ENTREP2: variants seen among roughly 807,000 people sequenced by gnomAD.
ENTREP2 encodes the protein endosomal transmembrane epsin interactor 2.
At chr15:29,470,928 C>A in the ENTREP2 span, among the ~76,000 whole-genome samples, 5 of 152,312 alleles carry the variant, frequency 3.3e-5, no homozygotes, top group South Asian at 8.3e-4. Context: ...ACATTAGCAA[C>A]CACTATTACA....
At chr15:29,655,476 C>T in the ENTREP2 span, among the ~76,000 whole-genome samples, 1 of 152,142 alleles carries the variant, frequency 6.6e-6, no homozygotes, top group Non-Finnish European at 1.5e-5. Flanking sequence ...ACATGTTTTG[C>T]TTTCAACTAA....
At chr15:29,256,293 C>T in the ENTREP2 span, among the ~76,000 whole-genome samples, 1 of 152,026 alleles carries the variant, frequency 6.6e-6, no homozygotes, top group Non-Finnish European at 1.5e-5. Flanking sequence ...GCAACACACC[C>T]AGGTAACAAA....
At chr15:29,303,306 A>T in the ENTREP2 span, among the ~76,000 whole-genome samples, 2 of 152,184 alleles carry the variant, frequency 1.3e-5, no homozygotes, top group Non-Finnish European at 2.9e-5. Context: ...CATTCTGAAC[A>T]AGTTGCTATT....
the ENTREP2 span, among the ~76,000 whole-genome samples, chr15:29,518,776 G>A: frequency 2.0e-5 from 3 of 152,154 alleles, no homozygotes; most frequent in African/African-American, 7.2e-5. Context: ...AGTGACACAG[G>A]GGAAAGCTTC....
At chr15:29,256,173 C>T in the ENTREP2 span, among the ~76,000 whole-genome samples, 1 of 152,022 alleles carries the variant, frequency 6.6e-6, no homozygotes, top group African/African-American at 2.4e-5. Flanking sequence ...ACAACAGGCA[C>T]TGAGGACTCC....
At chr15:29,197,547 C>A in the ENTREP2 span, among the ~76,000 whole-genome samples, 9 of 152,172 alleles carry the variant, frequency 5.9e-5, no homozygotes, top group African/African-American at 2.2e-4. Flanking sequence ...GCGGGCAGAT[C>A]ACAAGGTTAG....
At chr15:29,658,234 T>TC in the ENTREP2 span, among the ~76,000 whole-genome samples, 1 of 152,154 alleles carries the variant, frequency 6.6e-6, no homozygotes, top group Non-Finnish European at 1.5e-5. Flanking sequence ...ATAAGGGGTT[T>TC]CCCCCTTCAC....
the ENTREP2 span, among the ~76,000 whole-genome samples, chr15:29,531,010 G>A: frequency 6.6e-6 from 1 of 152,112 alleles, no homozygotes; most frequent in African/African-American, 2.4e-5. Flanking sequence ...GACCAATGAC[G>A]GAGAGAAGAG....
chr15:29,369,777 G>C, the ENTREP2 span, among the ~76,000 whole-genome samples: 29 of 152,372 alleles, frequency 1.9e-4, no homozygotes, highest in South Asian at 5.6e-3. Context: ...AACAGTGTTT[G>C]GAGGTGGTGT....
At chr15:29,577,512 CCTGA>C in the ENTREP2 span, among the ~76,000 whole-genome samples, 1 of 152,022 alleles carries the variant, frequency 6.6e-6, no homozygotes, top group Non-Finnish European at 1.5e-5. Flanking sequence ...CACCACCGTG[CCTGA>C]CTAATTTTTG....
chr15:29,226,531 CT>C, the ENTREP2 span, among the ~76,000 whole-genome samples: 1 of 152,188 alleles, frequency 6.6e-6, no homozygotes, highest in Non-Finnish European at 1.5e-5. Flanking sequence ...AAGGCTGTGC[CT>C]TTGGGCAACA....
At chr15:29,385,000 G>A in the ENTREP2 span, among the ~76,000 whole-genome samples, 49 of 152,160 alleles carry the variant, frequency 3.2e-4, no homozygotes, top group South Asian at 1.0e-3. Flanking sequence ...AATCTTACCC[G>A]TTCTTCAACC....
the ENTREP2 span, among the ~76,000 whole-genome samples, chr15:29,199,044 G>T: frequency 6.6e-6 from 1 of 152,192 alleles, no homozygotes; most frequent in Non-Finnish European, 1.5e-5. Context: ...TAAGATTAAT[G>T]CTGTTTGATA....
At chr15:29,427,017 T>G in the ENTREP2 span, among the ~76,000 whole-genome samples, 1 of 152,204 alleles carries the variant, frequency 6.6e-6, no homozygotes, top group Non-Finnish European at 1.5e-5. Flanking sequence ...CCATGTGGCC[T>G]CCAGATGGAC....
At chr15:29,159,448 G>C in the ENTREP2 span, among the ~76,000 whole-genome samples, 1 of 152,164 alleles carries the variant, frequency 6.6e-6, no homozygotes, top group Non-Finnish European at 1.5e-5. Context: ...ACAGGGCCGG[G>C]TTGCTACTGC....
the ENTREP2 span, among the ~76,000 whole-genome samples, chr15:29,615,416 A>G: frequency 1.3e-5 from 2 of 152,074 alleles, no homozygotes; most frequent in South Asian, 2.1e-4. Flanking sequence ...TCTGCCTCCC[A>G]AAGTGCTGGG....
chr15:29,333,910 T>C, the ENTREP2 span, among the ~76,000 whole-genome samples: 3 of 149,996 alleles, frequency 2.0e-5, no homozygotes, highest in Admixed American at 6.7e-5. Flanking sequence ...GAGAACGCCA[T>C]GTGAATAGGA....
the ENTREP2 span, among the ~76,000 whole-genome samples, chr15:29,511,877 C>T: frequency 6.0e-5 from 9 of 149,578 alleles, no homozygotes; most frequent in South Asian, 6.6e-4. Flanking sequence ...TAAATGCTGA[C>T]GTGTTATCTA....
the ENTREP2 span, among the ~76,000 whole-genome samples, chr15:29,148,908 G>A: frequency 1.3e-5 from 2 of 149,436 alleles, no homozygotes; most frequent in South Asian, 2.1e-4. Flanking sequence ...TCTCAATCTC[G>A]CTCTGTCGCC....
Sources: gnomAD v4.1 joint callset for allele counts (sites outside exome capture counted in the v4.1 genomes callset) on GRCh38, gnomAD v4.1.1 for gene constraint, MANE v1.5 for transcripts, NCBI Gene and HGNC (gene_info 2026-07-23, HGNC 2026-07-21) for gene names.